The following PTPRG variants were observed in gnomAD, a reference collection of about 807,000 sequenced individuals.
PTPRG encodes receptor-type tyrosine-protein phosphatase gamma.
PTPRG carries 102 observed loss-of-function variants against 165.3 expected under a neutral mutation model. That is an observed-to-expected ratio of 0.62 (90% CI 0.53 to 0.73). PTPRG has a LOEUF of 0.73. Ranked by LOEUF, PTPRG falls within the 30% of genes least tolerant of loss-of-function variation. The pLI, the probability that PTPRG is intolerant of heterozygous loss-of-function variation, is 0.00. For synonymous variants in PTPRG, 675 were observed against 669.5 expected (o/e 1.01, Z -0.13); for missense variants, 1,866 against 1,861.4 (o/e 1.00, Z -0.05).
chr3:61,691,391 A>T (rs1157857107), intron 1 of PTPRG, among the ~76,000 whole-genome samples: 1 of 152,200 alleles, frequency 6.6e-6, no homozygotes, highest in Non-Finnish European at 1.5e-5. Flanking sequence ...TGGGAGACAG[A>T]GGGAGACCCT....
At chr3:62,223,773 G>GTT (rs199678882) in intron 13 of PTPRG, among the ~76,000 whole-genome samples, 4 of 151,718 alleles carry the variant, frequency 2.6e-5, no homozygotes, top group South Asian at 2.1e-4. Flanking sequence ...CTCAAATGAA[G>GTT]TTTTTTTTTA....
chr3:61,717,622 C>A (rs751923008), intron 1 of PTPRG, among the ~76,000 whole-genome samples: 4 of 151,896 alleles, frequency 2.6e-5, no homozygotes, highest in Admixed American at 2.6e-4. Flanking sequence ...CCCGTCTCTA[C>A]TAAAAATACA....
chr3:61,712,169 C>T (rs1265042171), intron 1 of PTPRG, among the ~76,000 whole-genome samples: 6 of 152,170 alleles, frequency 3.9e-5, no homozygotes, highest in African/African-American at 1.4e-4. Context: ...GCTAGGATTA[C>T]AGGTGTGAGC....
At chr3:61,869,146 T>C (rs2037491342) in intron 2 of PTPRG, among the ~76,000 whole-genome samples, 1 of 152,216 alleles carries the variant, frequency 6.6e-6, no homozygotes, top group Admixed American at 6.5e-5. Context: ...TCTCCATCAA[T>C]GAGGCTGACC....
At chr3:61,975,560 A>G (rs1438438903) in intron 2 of PTPRG, among the ~76,000 whole-genome samples, 1 of 152,218 alleles carries the variant, frequency 6.6e-6, no homozygotes, top group African/African-American at 2.4e-5. Flanking sequence ...TGTCTTCGTC[A>G]TCCATGACCA....
intron 1 of PTPRG, among the ~76,000 whole-genome samples, chr3:61,615,515 A>G (rs1421663013): frequency 6.6e-6 from 1 of 152,202 alleles, no homozygotes; most frequent in East Asian, 1.9e-4. Context: ...GTTAACTTTG[A>G]TCACTTGATA....
At chr3:62,093,425 AT>A (rs914432370) in intron 5 of PTPRG, among the ~76,000 whole-genome samples, 110 of 152,324 alleles carry the variant, frequency 7.2e-4, no homozygotes, top group African/African-American at 2.5e-3. Context: ...CAGACGTGCC[AT>A]TGTCTGTTGG....
chr3:61,865,265 C>T (rs1007338540), intron 2 of PTPRG, among the ~76,000 whole-genome samples: 2 of 152,102 alleles, frequency 1.3e-5, no homozygotes, highest in African/African-American at 4.8e-5. Context: ...CAAACCCCCA[C>T]AACAATAGTG....
chr3:61,783,501 T>A (rs1213203254), intron 2 of PTPRG, among the ~76,000 whole-genome samples: 2 of 152,208 alleles, frequency 1.3e-5, no homozygotes, highest in Non-Finnish European at 2.9e-5. Context: ...ATGCATTGGT[T>A]GCTATAGGAA....
chr3:61,813,540 A>T, intron 2 of PTPRG, among the ~76,000 whole-genome samples: 1 of 85,934 alleles, frequency 1.2e-5, no homozygotes, highest in Non-Finnish European at 2.4e-5. Flanking sequence ...GAAAAAAGAA[A>T]ATCTGTGTGT....
At chr3:61,820,977 C>T (rs1293523217) in intron 2 of PTPRG, among the ~76,000 whole-genome samples, 3 of 151,954 alleles carry the variant, frequency 2.0e-5, no homozygotes, top group African/African-American at 7.3e-5. Context: ...ATATTCCTTT[C>T]CTTATCCAGG....
At chr3:62,220,741 A>G (rs149623826) in intron 13 of PTPRG, among the ~76,000 whole-genome samples, 288 of 152,312 alleles carry the variant, frequency 1.9e-3, no homozygotes, top group African/African-American at 6.5e-3. Flanking sequence ...ACTGGAGGCC[A>G]CCTAGTGTGA....
chr3:61,724,605 G>A (rs561994658), intron 1 of PTPRG, among the ~76,000 whole-genome samples: 174 of 152,088 alleles, frequency 1.1e-3, no homozygotes, highest in African/African-American at 4.0e-3. Flanking sequence ...ACTCCCACCA[G>A]CAATGCATAA....
chr3:62,249,126 A>C (rs982159587), intron 15 of PTPRG, among the ~76,000 whole-genome samples: 1 of 152,182 alleles, frequency 6.6e-6, no homozygotes, highest in African/African-American at 2.4e-5. Context: ...AACCTCCACA[A>C]CACTCCATGC....
intron 5 of PTPRG, among the ~76,000 whole-genome samples, chr3:62,095,032 A>G (rs729863): frequency 0.037 from 5,620 of 152,296 alleles, 109 homozygotes; most frequent in East Asian, 0.08. Context: ...TGGCTTTATA[A>G]ATGATGAAAT....
chr3:61,789,556 C>T (rs1325233143), intron 2 of PTPRG, among the ~76,000 whole-genome samples: 1 of 152,194 alleles, frequency 6.6e-6, no homozygotes, highest in Non-Finnish European at 1.5e-5. Flanking sequence ...GTTGCTGGAA[C>T]AATGAGGACA....
At chr3:62,208,318 T>A (rs1433567287) in intron 12 of PTPRG, among the ~76,000 whole-genome samples, 1 of 152,212 alleles carries the variant, frequency 6.6e-6, no homozygotes. Context: ...TGCAATGAAA[T>A]GTTCTTGGGG....
intron 2 of PTPRG, among the ~76,000 whole-genome samples, chr3:61,975,849 T>C (rs763910588): frequency 9.9e-5 from 15 of 152,150 alleles, no homozygotes; most frequent in Non-Finnish European, 2.1e-4. Flanking sequence ...TTAGACACAA[T>C]GAAAAACAAG....
chr3:61,976,825 A>G (rs9985494), intron 2 of PTPRG, among the ~76,000 whole-genome samples: 64,492 of 151,486 alleles, frequency 0.43, 14,507 homozygotes, highest in African/African-American at 0.59. Context: ...ACAGGCGCCC[A>G]CCATCATGCC....
Sources: gnomAD v4.1 joint callset for allele counts (sites outside exome capture counted in the v4.1 genomes callset) on GRCh38, gnomAD v4.1.1 for gene constraint, MANE v1.5 for transcripts, NCBI Gene and HGNC (gene_info 2026-07-23, HGNC 2026-07-21) for gene names.